The following STAT5B variants were observed in gnomAD, a reference collection of about 807,000 sequenced individuals.
STAT5B encodes the protein transcription factor STAT5B.
A neutral mutation model predicts 107.8 loss-of-function variants in STAT5B; 21 were observed. That is an observed-to-expected ratio of 0.19 (90% CI 0.14 to 0.28). The LOEUF (loss-of-function observed/expected upper bound fraction) is 0.28, where lower values mean the gene tolerates loss of function less well. STAT5B is among the 10% of genes least tolerant of loss of function. The pLI, the probability that STAT5B is intolerant of heterozygous loss-of-function variation, is 1.00. For synonymous variants in STAT5B, 325 were observed against 401.7 expected (o/e 0.81, Z 2.28); for missense variants, 565 against 1,008.2 (o/e 0.56, Z 5.95).
At chr17:42,252,444 G>A (rs1041689145) in intron 1 of STAT5B, among the ~76,000 whole-genome samples, 1 of 152,166 alleles carries the variant, frequency 6.6e-6, no homozygotes, top group Non-Finnish European at 1.5e-5. Context: ...CCTGGAGCAA[G>A]GACCATGTCT....
chr17:42,260,315 A>C (rs2080583833), intron 1 of STAT5B, among the ~76,000 whole-genome samples: 1 of 152,218 alleles, frequency 6.6e-6, no homozygotes, highest in Non-Finnish European at 1.5e-5. Context: ...GGCTAAATTG[A>C]GAGATTTTAT....
intron 2 of STAT5B, among the ~76,000 whole-genome samples, chr17:42,230,486 T>TA (rs1447665031): frequency 1.2e-4 from 19 of 152,244 alleles, no homozygotes; most frequent in Admixed American, 3.3e-4. Context: ...TGATACCAAT[T>TA]AAAAACCTGT....
intron 2 of STAT5B, among the ~76,000 whole-genome samples, chr17:42,228,702 C>A (rs1213789820): frequency 1.3e-5 from 2 of 152,206 alleles, no homozygotes; most frequent in Non-Finnish European, 2.9e-5. Context: ...GAGGCCGAGG[C>A]AGGCGGATTA....
intron 18 of STAT5B, chr17:42,202,094 T>C: frequency 1.6e-6 from 1 of 638,914 alleles, no homozygotes; most frequent in East Asian, 2.7e-5. Context: ...CTCCACTCAG[T>C]CCTTAGAGCA....
intron 8 of STAT5B, 71 bp from the exon 9 acceptor site, chr17:42,218,401 G>C (rs1398617659): frequency 5.1e-6 from 8 of 1,570,778 alleles, no homozygotes; most frequent in Middle Eastern, 2.3e-4. Context: ...GTCCCTCTGT[G>C]GTGGGGGTGG....
Position 42,223,524 on chromosome 17 carries a change from G to A in STAT5B, c.408C>T (p.Ala136=). ...TGATCTGGAGGTGTTTCTGGGACAT[G>A]GCATCAGCAAGGCTTCCAGCTGGAG... is the stretch of plus-strand genomic sequence containing the variant. ...GSSPAGSLAD[A]MSQKHLQINQ... The change falls in exon 5 of 19, where the codon GCC becomes GCT. Residue 136 remains alanine (A), a synonymous_variant. Transcript: ENST00000293328. 1 of 1,614,132 alleles carries A rather than the reference G, an allele frequency of 6.2e-7. No individual in the cohort carries two copies. Among genetic ancestry groups the A allele is most frequent in the Non-Finnish European group, 8.5e-7 (1 of 1,180,030 alleles).
At chr17:42,247,275 C>A (rs1676369027) in intron 1 of STAT5B, among the ~76,000 whole-genome samples, 1 of 152,186 alleles carries the variant, frequency 6.6e-6, no homozygotes, top group Non-Finnish European at 1.5e-5. Flanking sequence ...GAAAAGCACA[C>A]CTATCCACCG....
At chr17:42,229,306 C>T (rs1035928450) in intron 2 of STAT5B, among the ~76,000 whole-genome samples, 3 of 151,856 alleles carry the variant, frequency 2.0e-5, no homozygotes, top group Non-Finnish European at 4.4e-5. Flanking sequence ...TGCACCACCA[C>T]GCCTGGCTAA....
chr17:42,281,175 T>G (rs1323911065), upstream of STAT5B, among the ~76,000 whole-genome samples: 1 of 151,618 alleles, frequency 6.6e-6, no homozygotes, highest in Non-Finnish European at 1.5e-5. Flanking sequence ...AAACTAGCTG[T>G]GTGACTTTGG....
At chr17:42,235,840 G>A (rs2080352433) in intron 1 of STAT5B, among the ~76,000 whole-genome samples, 1 of 152,040 alleles carries the variant, frequency 6.6e-6, no homozygotes, top group Admixed American at 6.6e-5. Flanking sequence ...TATGGAAAGT[G>A]GTCAAAAAAT....
intron 1 of STAT5B, among the ~76,000 whole-genome samples, chr17:42,239,236 G>A (rs1427471693): frequency 8.4e-6 from 1 of 118,708 alleles, no homozygotes; most frequent in Non-Finnish European, 1.6e-5. Flanking sequence ...GACAGAGCAA[G>A]ACTCTGTCTC....
At chr17:42,286,044 A>C in the STAT5B span, among the ~76,000 whole-genome samples, 3 of 152,000 alleles carry the variant, frequency 2.0e-5, no homozygotes, top group Non-Finnish European at 4.4e-5. Flanking sequence ...ACATGGAGAA[A>C]CACCGCCTCT....
intron 13 of STAT5B, among the ~76,000 whole-genome samples, chr17:42,211,421 G>T (rs989608753): frequency 6.6e-6 from 1 of 152,006 alleles, no homozygotes; most frequent in Admixed American, 6.6e-5. Flanking sequence ...CAGGAGAATC[G>T]CTTGAAACCA....
the STAT5B span, among the ~76,000 whole-genome samples, chr17:42,282,007 G>A: frequency 0.01 from 1,535 of 152,332 alleles, 19 homozygotes; most frequent in African/African-American, 0.035. Context: ...AAGCAGCTCA[G>A]TGGGACCAGA....
intron 1 of STAT5B, among the ~76,000 whole-genome samples, chr17:42,236,887 A>G (rs1165064290): frequency 6.6e-6 from 1 of 152,134 alleles, no homozygotes; most frequent in Non-Finnish European, 1.5e-5. Context: ...CTGCATCTAC[A>G]AAGACTGTAC....
intron 1 of STAT5B, among the ~76,000 whole-genome samples, chr17:42,264,207 TA>T (rs1567677938): frequency 6.6e-6 from 1 of 152,040 alleles, no homozygotes; most frequent in African/African-American, 2.4e-5. Flanking sequence ...CTTTTTTTTT[TA>T]ATTTATTTAT....
At chr17:42,235,698 G>T (rs1390637771) in intron 1 of STAT5B, among the ~76,000 whole-genome samples, 1 of 152,122 alleles carries the variant, frequency 6.6e-6, no homozygotes, top group African/African-American at 2.4e-5. Context: ...GGATGGTCTT[G>T]GTCTCCTGAC....
At chr17:42,233,809 A>G (rs1489808393) in intron 1 of STAT5B, 5 of 152,014 alleles carry the variant, frequency 3.3e-5, no homozygotes, top group African/African-American at 9.7e-5. Context: ...TTTTTTTAAC[A>G]TGCTCTTGAT....
intron 1 of STAT5B, among the ~76,000 whole-genome samples, chr17:42,248,273 C>CA (rs61401221): frequency 0.34 from 23,132 of 67,662 alleles, 2,257 homozygotes; most frequent in South Asian, 0.41. Flanking sequence ...AGATCTTGTC[C>CA]AAAAAAAAAA....
Sources: allele counts gnomAD v4.1 joint callset (sites outside exome capture counted in the v4.1 genomes callset), GRCh38; gene constraint gnomAD v4.1.1; transcripts MANE v1.5; gene names NCBI Gene and HGNC (gene_info 2026-07-23, HGNC 2026-07-21).